Variants in NRG3 observed in about 807,000 individuals in gnomAD.
NRG3 encodes the protein pro-neuregulin-3, membrane-bound isoform.
A neutral mutation model predicts 66.9 loss-of-function variants in NRG3; 31 were observed. The observed-to-expected ratio is 0.46, with a 90% CI of 0.35 to 0.63. The LOEUF is 0.63. Ranked by LOEUF, NRG3 falls within the 20% of genes least tolerant of loss-of-function variation. NRG3 has a pLI of 0.00. For synonymous variants in NRG3, 393 were observed against 359.4 expected (o/e 1.09, Z -1.06); for missense variants, 910 against 878.9 (o/e 1.04, Z -0.45).
intron 3 of NRG3, among the ~76,000 whole-genome samples, chr10:82,848,280 C>T (rs1372240091): frequency 1.3e-5 from 2 of 152,190 alleles, no homozygotes; most frequent in African/African-American, 4.8e-5. Flanking sequence ...AGGAATCCAA[C>T]TCTTGCATCA....
At chr10:82,655,367 A>C (rs1189405403) in intron 2 of NRG3, among the ~76,000 whole-genome samples, 3 of 152,190 alleles carry the variant, frequency 2.0e-5, no homozygotes, top group African/African-American at 7.2e-5. Flanking sequence ...CTGAAAATCA[A>C]AGGATCAATA....
chr10:82,328,081 G>T (rs1033463986), intron 1 of NRG3, among the ~76,000 whole-genome samples: 1 of 152,276 alleles, frequency 6.6e-6, no homozygotes, highest in Non-Finnish European at 1.5e-5. Context: ...GGCAAGGGTT[G>T]TGGGGGGGCA....
intron 4 of NRG3, among the ~76,000 whole-genome samples, chr10:82,882,922 G>C (rs1457054545): frequency 6.6e-6 from 1 of 152,126 alleles, no homozygotes; most frequent in Admixed American, 6.5e-5. Context: ...AGCTGCCAGT[G>C]GATACCTCTG....
At chr10:82,490,627 G>A (rs1257432304) in intron 2 of NRG3, among the ~76,000 whole-genome samples, 1 of 152,016 alleles carries the variant, frequency 6.6e-6, no homozygotes, top group Non-Finnish European at 1.5e-5. Context: ...CTTCAGCTGA[G>A]ACCTGCTTTC....
At chr10:81,914,019 A>C (rs1284151077) in intron 1 of NRG3, among the ~76,000 whole-genome samples, 1 of 152,170 alleles carries the variant, frequency 6.6e-6, no homozygotes, top group African/African-American at 2.4e-5. Context: ...ACACTCTCTA[A>C]GGCGGGCAGC....
chr10:82,941,950 C>T lies in NRG3; in HGVS notation c.1055-9519C>T, dbSNP rs145280702. Among the ~76,000 whole-genome samples the T allele has an allele frequency of 1.1e-3, 162 of 151,734 alleles. 1 individual carries two copies. Among genetic ancestry groups the T allele is most frequent in the African/African-American group, 3.6e-3 (149 of 41,364 alleles). The stretch of plus-strand genomic sequence containing the variant: ...ATCTGATTTGCATATCTTGAGTATG[C>T]GGGTTTCCAGGTGAAACTTTTGCTT... On this transcript the variant is annotated intron_variant, in intron 4 of 8. Coordinates refer to ENST00000372141, the MANE Select transcript of NRG3 (RefSeq NM_001010848.4).
intron 4 of NRG3, among the ~76,000 whole-genome samples, chr10:82,933,000 C>G (rs1201988510): frequency 2.6e-5 from 4 of 152,082 alleles, no homozygotes; most frequent in Non-Finnish European, 2.9e-5. Context: ...TTCTCTCCCT[C>G]TTTATTCTTC....
chr10:81,963,368 C>G (rs376570294), intron 1 of NRG3, among the ~76,000 whole-genome samples: 2 of 150,396 alleles, frequency 1.3e-5, no homozygotes, highest in Non-Finnish European at 3.0e-5. Context: ...CTCCTGACCT[C>G]GTGATCCGCC....
At chr10:82,126,895 G>A (rs2068482198) in intron 1 of NRG3, among the ~76,000 whole-genome samples, 1 of 152,042 alleles carries the variant, frequency 6.6e-6, no homozygotes, top group East Asian at 1.9e-4. Flanking sequence ...GACACAGTTG[G>A]CAGTACAGAA....
intron 2 of NRG3, among the ~76,000 whole-genome samples, chr10:82,512,865 A>T (rs1192300210): frequency 1.3e-5 from 2 of 152,258 alleles, no homozygotes; most frequent in East Asian, 1.9e-4. Context: ...TCATTTTTTT[A>T]AAATTCATTC....
intron 2 of NRG3, among the ~76,000 whole-genome samples, chr10:82,652,957 A>G (rs1327206824): frequency 2.0e-5 from 3 of 152,206 alleles, no homozygotes; most frequent in Non-Finnish European, 4.4e-5. Context: ...CTAGGGTTGG[A>G]GTAGATATTT....
chr10:82,776,840 A>G (rs1216110703), intron 3 of NRG3, among the ~76,000 whole-genome samples: 1 of 151,994 alleles, frequency 6.6e-6, no homozygotes, highest in African/African-American at 2.4e-5. Flanking sequence ...ATCTTACTGA[A>G]TTGTCTATCT....
intron 2 of NRG3, among the ~76,000 whole-genome samples, chr10:82,689,263 A>T (rs568379496): frequency 1.5e-4 from 23 of 152,292 alleles, no homozygotes; most frequent in African/African-American, 5.3e-4. Flanking sequence ...CTGAGAGAGA[A>T]CTATACAGTG....
intron 1 of NRG3, among the ~76,000 whole-genome samples, chr10:81,977,969 G>T (rs541958648): frequency 6.6e-6 from 1 of 152,166 alleles, no homozygotes; most frequent in East Asian, 1.9e-4. Flanking sequence ...TACATGTATT[G>T]TATCAGATCA....
At chr10:82,522,892 C>T (rs974544961) in intron 2 of NRG3, among the ~76,000 whole-genome samples, 2 of 152,134 alleles carry the variant, frequency 1.3e-5, no homozygotes, top group South Asian at 2.1e-4. Context: ...CTCAGAAAGA[C>T]CCCTGTAGGC....
intron 1 of NRG3, chr10:82,232,809 A>AC: frequency 1.4e-6 from 1 of 717,370 alleles, no homozygotes; most frequent in Non-Finnish European, 2.6e-6. Flanking sequence ...GGAGGCAGAA[A>AC]CAGGAGCAAG....
At chr10:82,247,418 G>A in intron 1 of NRG3, among the ~76,000 whole-genome samples, 1 of 151,992 alleles carries the variant, frequency 6.6e-6, no homozygotes, top group East Asian at 1.9e-4. Context: ...GAGCTCTTGG[G>A]GGTTCCTTTT....
intron 3 of NRG3, among the ~76,000 whole-genome samples, chr10:82,803,020 C>A (rs2061114654): frequency 6.6e-6 from 1 of 152,060 alleles, no homozygotes; most frequent in Non-Finnish European, 1.5e-5. Context: ...TACTACAATC[C>A]TCTGAACTAA....
chr10:81,891,129 A>G (rs1211713462), intron 1 of NRG3, among the ~76,000 whole-genome samples: 1 of 152,224 alleles, frequency 6.6e-6, no homozygotes, highest in Non-Finnish European at 1.5e-5. Flanking sequence ...GTAACGTGCA[A>G]TTGGATGAAC....
Sources: gnomAD v4.1 joint callset for allele counts (sites outside exome capture counted in the v4.1 genomes callset) on GRCh38, gnomAD v4.1.1 for gene constraint, MANE v1.5 for transcripts, NCBI Gene and HGNC (gene_info 2026-07-23, HGNC 2026-07-21) for gene names.